The following PTBP3 variants were observed in gnomAD, a reference collection of about 807,000 sequenced individuals.
PTBP3 encodes polypyrimidine tract-binding protein 3.
In PTBP3, 20 loss-of-function variants were observed where a neutral mutation model predicts 58.7. The observed-to-expected ratio is 0.34, with a 90% CI of 0.24 to 0.50. The LOEUF (loss-of-function observed/expected upper bound fraction) is 0.50, where lower values mean the gene tolerates loss of function less well. Among genes scored for constraint, PTBP3 ranks in the 20% least tolerant of loss-of-function variants. PTBP3 has a pLI of 0.98. For missense variants in PTBP3, 509 were observed against 637.2 expected, an observed-to-expected ratio of 0.80 and a Z score of 2.17; for synonymous variants, 185 against 219.8, an observed-to-expected ratio of 0.84 and a Z score of 1.40.
At chr9:112,313,247 C>T (rs549539134) in intron 1 of PTBP3, among the ~76,000 whole-genome samples, 23 of 152,232 alleles carry the variant, frequency 1.5e-4, no homozygotes, top group African/African-American at 5.3e-4. Flanking sequence ...CTCTGTCACC[C>T]GGGCTGGACT....
chr9:112,275,029 T>C (rs1480028509), intron 3 of PTBP3, among the ~76,000 whole-genome samples: 1 of 152,256 alleles, frequency 6.6e-6, no homozygotes, highest in Non-Finnish European at 1.5e-5. Flanking sequence ...GGAATATTCA[T>C]TCTATTTTAA....
intron 1 of PTBP3, among the ~76,000 whole-genome samples, chr9:112,319,247 T>C (rs1328340653): frequency 6.6e-6 from 1 of 151,212 alleles, no homozygotes; most frequent in Non-Finnish European, 1.5e-5. Context: ...AGACGGAAAT[T>C]GAAGACACAG....
chr9:112,370,492 G>C, the PTBP3 span, among the ~76,000 whole-genome samples: 71 of 152,230 alleles, frequency 4.7e-4, no homozygotes, highest in African/African-American at 1.7e-3. Context: ...AGTGAACCGA[G>C]ATTGCGCTAC....
At chr9:112,257,174 C>T (rs1836403137) in intron 5 of PTBP3, among the ~76,000 whole-genome samples, 1 of 152,116 alleles carries the variant, frequency 6.6e-6, no homozygotes, top group East Asian at 1.9e-4. Context: ...TAGAACTTGC[C>T]TGAATGGGCT....
chr9:112,286,907 T>C (rs1828143569), intron 2 of PTBP3, among the ~76,000 whole-genome samples: 1 of 152,192 alleles, frequency 6.6e-6, no homozygotes, highest in Admixed American at 6.5e-5. Context: ...GATTTTTTTT[T>C]CCAGCACTCT....
intron 1 of PTBP3, among the ~76,000 whole-genome samples, chr9:112,301,850 T>C (rs1176148689): frequency 1.3e-5 from 2 of 152,188 alleles, no homozygotes; most frequent in Non-Finnish European, 1.5e-5. Flanking sequence ...GTACTATCTT[T>C]ATAACTTGCC....
At chr9:112,350,757 CAG>C in the PTBP3 span, among the ~76,000 whole-genome samples, 4 of 152,158 alleles carry the variant, frequency 2.6e-5, no homozygotes, top group Admixed American at 6.5e-5. Context: ...AGAAATATCT[CAG>C]AGTCTCTCAT....
chr9:112,346,560 C>T, the PTBP3 span, among the ~76,000 whole-genome samples: 2 of 152,202 alleles, frequency 1.3e-5, no homozygotes, highest in Admixed American at 6.5e-5. Context: ...AGGTACCAAC[C>T]TCATACCCAT....
chr9:112,255,808 T>C (rs559702562), intron 5 of PTBP3, among the ~76,000 whole-genome samples: 3 of 152,330 alleles, frequency 2.0e-5, no homozygotes, highest in African/African-American at 7.2e-5. Context: ...GGATTTTTTG[T>C]TTTCCTAGAA....
In PTBP3 at chr9:112,219,764, T is replaced by C. The variant is rs183263050; in HGVS notation, c.*4087A>G. On this transcript the variant is annotated 3_prime_UTR_variant, in exon 14 of 14. Transcript: ENST00000374257. The stretch of plus-strand genomic sequence containing the variant: ...GTCTCAAATAGGAAGAAAAGGTCAA[T>C]TAAGACTACTGAAGAAGGCACATAA... The C allele has an allele frequency of 6.5e-6, 1 of 153,182 alleles. No homozygotes were observed. Among genetic ancestry groups the C allele is most frequent in the African/African-American group, 2.4e-5 (1 of 41,576 alleles). 9.5% of individuals were successfully genotyped at this position (153,182 alleles called of 1,614,324 possible).
chr9:112,375,732 A>G, the PTBP3 span, among the ~76,000 whole-genome samples: 1 of 152,128 alleles, frequency 6.6e-6, no homozygotes, highest in Non-Finnish European at 1.5e-5. Flanking sequence ...CCACTTGATG[A>G]TGGAATACTG....
intron 3 of PTBP3, chr9:112,272,632 T>C (rs1463230888): frequency 6.6e-6 from 1 of 152,150 alleles, no homozygotes; most frequent in African/African-American, 2.4e-5. Context: ...GCAGTGCCTA[T>C]TCACAGGCAC....
At chr9:112,284,898 G>T (rs889564104) in intron 2 of PTBP3, among the ~76,000 whole-genome samples, 2 of 152,110 alleles carry the variant, frequency 1.3e-5, no homozygotes, top group Admixed American at 6.5e-5. Context: ...GATTTTATAG[G>T]CTCATAGGCA....
At chr9:112,233,942 C>CA (rs33920406) in intron 8 of PTBP3, among the ~76,000 whole-genome samples, 1 of 150,116 alleles carries the variant, frequency 6.7e-6, no homozygotes, top group Admixed American at 6.6e-5. Flanking sequence ...ACAACAACAA[C>CA]AAAAAAAAGA....
At chr9:112,282,340 T>C (rs1827907856) in intron 2 of PTBP3, among the ~76,000 whole-genome samples, 1 of 152,200 alleles carries the variant, frequency 6.6e-6, no homozygotes, top group Non-Finnish European at 1.5e-5. Flanking sequence ...GTTTCATTAA[T>C]TTTTCTCTAG....
intron 10 of PTBP3, among the ~76,000 whole-genome samples, chr9:112,230,441 G>C (rs1245975620): frequency 6.6e-6 from 1 of 152,082 alleles, no homozygotes; most frequent in Non-Finnish European, 1.5e-5. Context: ...AAACACAACA[G>C]TTTTCAAGAT....
At chr9:112,278,882 T>C (rs1827735863) in intron 2 of PTBP3, among the ~76,000 whole-genome samples, 1 of 152,244 alleles carries the variant, frequency 6.6e-6, no homozygotes, top group Non-Finnish European at 1.5e-5. Context: ...TAATCAATAA[T>C]ACGTCTAGCA....
intron 12 of PTBP3, among the ~76,000 whole-genome samples, chr9:112,227,077 CG>C (rs1564386926): frequency 6.6e-6 from 1 of 152,144 alleles, no homozygotes; most frequent in East Asian, 1.9e-4. Context: ...TATTGGTTAA[CG>C]TAAGAGTCAT....
At chr9:112,256,266 A>C (rs1409214711) in intron 5 of PTBP3, among the ~76,000 whole-genome samples, 4 of 111,882 alleles carry the variant, frequency 3.6e-5, no homozygotes, top group Non-Finnish European at 7.0e-5. Context: ...AAAAAAAAAA[A>C]AACAAAATAT....
Sources: allele counts gnomAD v4.1 joint callset (sites outside exome capture counted in the v4.1 genomes callset), GRCh38; gene constraint gnomAD v4.1.1; transcripts MANE v1.5; gene names NCBI Gene and HGNC (gene_info 2026-07-23, HGNC 2026-07-21).